Variants in SAE1 observed in about 807,000 individuals in gnomAD.
The protein encoded by SAE1 is SUMO-activating enzyme subunit 1.
SAE1 carries 11 observed loss-of-function variants against 40.6 expected under a neutral mutation model. The ratio of observed to expected loss-of-function variants is 0.27; its 90% CI spans 0.17 to 0.45. SAE1 has a LOEUF of 0.45. SAE1 is among the 20% of genes least tolerant of loss of function. SAE1 has a pLI of 1.00. For missense variants in SAE1, 373 were observed against 427.3 expected (o/e 0.87, Z 1.12); for synonymous variants, 155 against 154.3 (o/e 1.00, Z -0.03).
chr19:47,188,893 T>G (rs922733623), intron 6 of SAE1, among the ~76,000 whole-genome samples: 2 of 147,976 alleles, frequency 1.4e-5, no homozygotes, highest in Admixed American at 1.3e-4. Flanking sequence ...CTGCCAACTG[T>G]GGAGGGCCTG....
chr19:47,181,780 CTTTTTTTTTTT>C (rs36107839), intron 6 of SAE1, among the ~76,000 whole-genome samples: 1 of 96,548 alleles, frequency 1.0e-5, no homozygotes, highest in African/African-American at 4.1e-5. Context: ...CACCTGGCCT[CTTTTTTTTTTT>C]TTTTTTTTTT....
intron 6 of SAE1, among the ~76,000 whole-genome samples, chr19:47,175,333 G>A (rs1012652767): frequency 3.9e-5 from 6 of 152,104 alleles, no homozygotes; most frequent in African/African-American, 1.4e-4. Flanking sequence ...AGGAGACCAA[G>A]GTTGAGCATG....
chr19:47,140,207 C>T lies in SAE1; in HGVS notation c.99-3287C>T, dbSNP rs557664157. Reference sequence around the variant, plus strand: ...CTGCAAACTCCACCTCCCGGGTTCACGCCATTCTCTTGCCTTAGCCTCCCG... The same window carrying T: ...CTGCAAACTCCACCTCCCGGGTTCATGCCATTCTCTTGCCTTAGCCTCCCG... On this transcript the variant is annotated intron_variant, in intron 1 of 8. Coordinates refer to ENST00000270225, the MANE Select transcript of SAE1 (RefSeq NM_005500.3). 5.3e-5 allele frequency among the ~76,000 whole-genome samples: 8 copies of T among 151,504 alleles called. No individual in the cohort carries two copies. The East Asian group carries it at 5.9e-4, about 11-fold the overall frequency.
intron 1 of SAE1, among the ~76,000 whole-genome samples, chr19:47,137,573 C>T (rs2058188433): frequency 6.6e-6 from 1 of 152,090 alleles, no homozygotes; most frequent in South Asian, 2.1e-4. Flanking sequence ...CTTCAGCTCA[C>T]TGCAACCTCC....
At chr19:47,209,015 T>A in intron 8 of SAE1, 144 bp from the exon 9 acceptor site, 1 of 650,376 alleles carries the variant, frequency 1.5e-6, no homozygotes, top group South Asian at 2.0e-5. Flanking sequence ...ATCAAAATTG[T>A]CTCCAGACAT....
intron 6 of SAE1, among the ~76,000 whole-genome samples, chr19:47,182,187 G>A (rs2058510741): frequency 6.6e-6 from 1 of 151,974 alleles, no homozygotes; most frequent in Non-Finnish European, 1.5e-5. Context: ...GTTGTCTTTG[G>A]ATGCCGGCTG....
At position 47,155,124 on chromosome 19, in the gene SAE1, A is replaced by G; in HGVS notation, c.538A>G (p.Lys180Glu). Residue 180 changes from lysine to glutamate, a missense_variant, in exon 5 of 9, where the codon AAA (lysine) becomes GAA (glutamate). Around this residue, in one of 3 missense-constraint regions of SAE1, gnomAD observed 351 missense variants for 390.6 expected, o/e 0.90. Transcript: ENST00000270225. ...GEHEFVEEKT[K>E]VAKVSQGVED... ...CTTGTCACCCTCTAGGGAGAAAACT[A>G]AAGTTGCCAAAGTTAGCCAAGGAGT... 6.2e-7 allele frequency: 1 copy of G among 1,610,300 alleles called. No homozygotes were observed. The highest frequency in any genetic ancestry group is 8.5e-7 in the Non-Finnish European group (1 of 1,176,588).
intron 6 of SAE1, among the ~76,000 whole-genome samples, chr19:47,192,741 T>C (rs1194643284): frequency 1.3e-5 from 2 of 152,042 alleles, no homozygotes; most frequent in Non-Finnish European, 2.9e-5. Context: ...GGTTTCACCA[T>C]GTTGGCCAGG....
Position 47,150,289 on chromosome 19 carries a change from C to G in SAE1, c.298C>G (p.Gln100Glu), listed in dbSNP as rs780984128. The change falls in exon 3 of 9, where the codon CAG (glutamine) becomes GAG (glutamate). Residue 100 changes from glutamine to glutamate, a missense_variant. Gln to Glu is a conservative substitution (Grantham distance 29, BLOSUM62 2). Transcript: ENST00000270225. ...GGCTGAAGCCTCTTTGGAGCGAGCT[C>G]AGAATCTCAACCCCATGGTGGATGT... The part of the protein sequence containing the change: ...NRAEASLERA[Q>E]NLNPMVDVKV... The G allele has an allele frequency of 6.2e-7, 1 of 1,613,672 alleles. No homozygotes were observed. The highest frequency in any genetic ancestry group is 1.3e-5 in the African/African-American group (1 of 74,886).
At chr19:47,170,591 C>T (rs1324332099) in intron 6 of SAE1, among the ~76,000 whole-genome samples, 2 of 145,624 alleles carry the variant, frequency 1.4e-5, no homozygotes, top group Non-Finnish European at 3.0e-5. Flanking sequence ...ACTGTAGCCT[C>T]TACTTCCTGG....
At chr19:47,193,820 T>G in intron 6 of SAE1, among the ~76,000 whole-genome samples, 1 of 143,068 alleles carries the variant, frequency 7.0e-6, no homozygotes, top group African/African-American at 2.6e-5. Context: ...AGAGCAAGAT[T>G]GTCTCAAAAA....
At chr19:47,167,908 T>A (rs1380779500) in intron 5 of SAE1, among the ~76,000 whole-genome samples, 8 of 152,164 alleles carry the variant, frequency 5.3e-5, no homozygotes, top group Admixed American at 4.6e-4. Context: ...ACTGCTTTTT[T>A]CTGGCTAGGC....
At chr19:47,185,400 G>A (rs1025162340) in intron 6 of SAE1, among the ~76,000 whole-genome samples, 1 of 151,754 alleles carries the variant, frequency 6.6e-6, no homozygotes, top group African/African-American at 2.4e-5. Context: ...CACCTCCCAG[G>A]TTCAAGTGAT....
At position 47,209,344 on chromosome 19, in the gene SAE1, A is replaced by G; in HGVS notation, c.*93A>G. 6.2e-7 allele frequency: 1 copy of G among 1,600,950 alleles called. No homozygotes were observed. The highest frequency in any genetic ancestry group is 1.1e-5 in the South Asian group (1 of 90,176). On this transcript the variant is annotated 3_prime_UTR_variant, in exon 9 of 9. Transcript: ENST00000270225. Reference sequence around the variant, plus strand: ...TTCATGAAGGCATCTCCAGGCAAGGAAAACTGAAGTCATTGGCCCGATACA... The same window carrying G: ...TTCATGAAGGCATCTCCAGGCAAGGGAAACTGAAGTCATTGGCCCGATACA...
At chr19:47,204,797 A>G (rs368881851) in intron 8 of SAE1, among the ~76,000 whole-genome samples, 11 of 152,060 alleles carry the variant, frequency 7.2e-5, no homozygotes, top group African/African-American at 2.2e-4. Context: ...CACCCGGCCA[A>G]GCCCCCGTCT....
At chr19:47,203,090 T>A (rs1189260831) in intron 7 of SAE1, among the ~76,000 whole-genome samples, 1 of 152,124 alleles carries the variant, frequency 6.6e-6, no homozygotes, top group Non-Finnish European at 1.5e-5. Flanking sequence ...GTGATTTGCT[T>A]ACTAGGATGG....
At chr19:47,145,542 G>A (rs2058250554) in intron 2 of SAE1, among the ~76,000 whole-genome samples, 3 of 152,038 alleles carry the variant, frequency 2.0e-5, no homozygotes, top group Non-Finnish European at 4.4e-5. Context: ...AATAAGTGCT[G>A]CTCTCTCTAC....
chr19:47,132,220 C>T (rs2058148648), intron 1 of SAE1, among the ~76,000 whole-genome samples: 1 of 151,594 alleles, frequency 6.6e-6, no homozygotes, highest in Non-Finnish European at 1.5e-5. Context: ...GCCACAGCCT[C>T]CCAAAGTGGT....
intron 6 of SAE1, among the ~76,000 whole-genome samples, chr19:47,171,477 A>C (rs2058432548): frequency 1.3e-5 from 2 of 150,888 alleles, no homozygotes; most frequent in South Asian, 2.1e-4. Flanking sequence ...TTTTTTTGAG[A>C]TGGAGTCTCA....
Sources: allele counts gnomAD v4.1 joint callset (sites outside exome capture counted in the v4.1 genomes callset), GRCh38; gene constraint gnomAD v4.1.1; regional missense constraint gnomAD v4.1.1; transcripts MANE v1.5; gene names NCBI Gene and HGNC (gene_info 2026-07-23, HGNC 2026-07-21).